Variants in ACOXL observed in about 807,000 individuals in gnomAD.
ACOXL encodes the protein acyl-coenzyme A oxidase-like protein.
A neutral mutation model predicts 71.9 loss-of-function variants in ACOXL; 70 were observed. That is an observed-to-expected ratio of 0.97 (90% CI 0.80 to 1.19). The LOEUF (loss-of-function observed/expected upper bound fraction) is 1.19. ACOXL is among the 50% of genes most tolerant of loss of function. The pLI, the probability that ACOXL is intolerant of heterozygous loss-of-function variation, is 0.00. For missense variants in ACOXL, 703 were observed against 736.3 expected, an observed-to-expected ratio of 0.95 and a Z score of 0.52; for synonymous variants, 253 against 281.6, an observed-to-expected ratio of 0.90 and a Z score of 1.02.
At chr2:110,928,173 A>C (rs993361985) in intron 11 of ACOXL, among the ~76,000 whole-genome samples, 2 of 152,236 alleles carry the variant, frequency 1.3e-5, no homozygotes, top group Non-Finnish European at 2.9e-5. Context: ...CCATTTACCC[A>C]ATACCTGTAA....
chr2:110,979,626 G>T (rs1056119099), intron 12 of ACOXL, among the ~76,000 whole-genome samples: 8 of 152,188 alleles, frequency 5.3e-5, no homozygotes, highest in Non-Finnish European at 1.0e-4. Context: ...GAAGAGCACA[G>T]GGGGTGCGGG....
intron 11 of ACOXL, among the ~76,000 whole-genome samples, chr2:110,930,282 T>A (rs1482543624): frequency 6.6e-6 from 1 of 152,250 alleles, no homozygotes; most frequent in Non-Finnish European, 1.5e-5. Flanking sequence ...CTTTCAGATT[T>A]GACCACCCCA....
chr2:110,871,807 C>T (rs977654088), intron 10 of ACOXL, among the ~76,000 whole-genome samples: 2 of 152,186 alleles, frequency 1.3e-5, no homozygotes, highest in African/African-American at 4.8e-5. Context: ...GACCAACACT[C>T]ATAGTGACCT....
In ACOXL at chr2:110,768,455, T is replaced by G. The variant is rs377589725; in HGVS notation, c.66T>G (p.Gly22=). The G allele has an allele frequency of 1.9e-6, 3 of 1,613,434 alleles. No individual in the cohort carries two copies. The highest frequency in any genetic ancestry group is 2.5e-6 in the Non-Finnish European group (3 of 1,179,944). The change falls in exon 2 of 18, where the codon GGT becomes GGG. Residue 22 remains glycine, a synonymous_variant. Transcript: ENST00000439055. The part of the protein sequence containing the change: ...AMDLPLLKRA[G]QDLAEKTKNF... ...ACCTGCCTCTGTTAAAACGTGCAGG[T>G]CAGGATCTGGTAAGTGTCATTATTA... is the stretch of plus-strand genomic sequence containing the variant.
At chr2:110,790,685 C>T (rs532810100) in intron 3 of ACOXL, among the ~76,000 whole-genome samples, 119 of 152,304 alleles carry the variant, frequency 7.8e-4, no homozygotes, top group Admixed American at 2.4e-3. Context: ...AGGGGCAGGA[C>T]GCTGGGTAGT....
At chr2:110,822,265 C>T (rs1248050194) in intron 9 of ACOXL, among the ~76,000 whole-genome samples, 1 of 152,086 alleles carries the variant, frequency 6.6e-6, no homozygotes, top group Non-Finnish European at 1.5e-5. Flanking sequence ...CTATGTTAAG[C>T]TAAACATGAG....
intron 14 of ACOXL, among the ~76,000 whole-genome samples, chr2:111,027,358 G>C (rs1574526219): frequency 6.7e-6 from 1 of 148,516 alleles, no homozygotes; most frequent in African/African-American, 2.5e-5. Flanking sequence ...GTTTCACTCT[G>C]TCACCCAGGC....
At chr2:110,889,807 G>A (rs1414437048) in intron 10 of ACOXL, among the ~76,000 whole-genome samples, 1 of 152,148 alleles carries the variant, frequency 6.6e-6, no homozygotes, top group East Asian at 1.9e-4. Context: ...CAACAGTCAT[G>A]CATGTTTTTA....
intron 17 of ACOXL, among the ~76,000 whole-genome samples, chr2:111,109,444 AT>A (rs5833388): frequency 0.39 from 58,668 of 150,592 alleles, 11,607 homozygotes; most frequent in Non-Finnish European, 0.42. Context: ...TGGCCTGTTC[AT>A]TTTTTTTTCT....
chr2:110,796,576 C>G (rs1318126351), intron 5 of ACOXL, among the ~76,000 whole-genome samples: 1 of 152,216 alleles, frequency 6.6e-6, no homozygotes, highest in African/African-American at 2.4e-5. Context: ...CCCACCCCAC[C>G]AGATCGTTTC....
At chr2:110,867,527 A>G (rs1694756121) in intron 10 of ACOXL, among the ~76,000 whole-genome samples, 1 of 152,152 alleles carries the variant, frequency 6.6e-6, no homozygotes, top group Non-Finnish European at 1.5e-5. Context: ...GGTGTCTTGG[A>G]TAAAGTATGT....
chr2:110,829,719 GTGTA>G (rs1202610758), intron 9 of ACOXL, among the ~76,000 whole-genome samples: 1 of 152,186 alleles, frequency 6.6e-6, no homozygotes, highest in Non-Finnish European at 1.5e-5. Flanking sequence ...CTGAGTGTGT[GTGTA>G]TGTATCTGTT....
intron 10 of ACOXL, among the ~76,000 whole-genome samples, chr2:110,906,398 G>A (rs2059445534): frequency 6.6e-6 from 1 of 151,822 alleles, no homozygotes; most frequent in African/African-American, 2.4e-5. Context: ...AATTAGCTGG[G>A]TGTGGTGGTG....
At chr2:110,777,993 C>T (rs1337760712) in intron 2 of ACOXL, among the ~76,000 whole-genome samples, 3 of 152,190 alleles carry the variant, frequency 2.0e-5, no homozygotes, top group Non-Finnish European at 4.4e-5. Context: ...ATTGGAAGCT[C>T]GCATTGGGAC....
chr2:111,092,827 C>A, intron 16 of ACOXL, 38 bp from the exon 17 acceptor site: 2 of 1,381,558 alleles, frequency 1.4e-6, no homozygotes, highest in Non-Finnish European at 2.1e-6. Flanking sequence ...TAATATATTG[C>A]TATTTGTCCA....
chr2:110,799,551 A>G (rs1485987722), intron 7 of ACOXL, among the ~76,000 whole-genome samples: 2 of 152,176 alleles, frequency 1.3e-5, no homozygotes, highest in East Asian at 3.8e-4. Context: ...GGCTTAAACA[A>G]CAGAAGTGTA....
chr2:111,080,923 CAT>C (rs2067879154), intron 16 of ACOXL, among the ~76,000 whole-genome samples: 1 of 152,192 alleles, frequency 6.6e-6, no homozygotes, highest in African/African-American at 2.4e-5. Flanking sequence ...ACAAAAACCA[CAT>C]GATTATCTCA....
chr2:110,871,387 A>G (rs964260544), intron 10 of ACOXL, among the ~76,000 whole-genome samples: 2 of 152,108 alleles, frequency 1.3e-5, no homozygotes, highest in Admixed American at 1.3e-4. Flanking sequence ...AGTAGGAAAT[A>G]ATATGGAAGC....
chr2:110,790,183 G>A (rs1411698576), intron 3 of ACOXL, among the ~76,000 whole-genome samples: 2 of 152,244 alleles, frequency 1.3e-5, no homozygotes, highest in African/African-American at 4.8e-5. Context: ...GTAACCTCCT[G>A]GGACGTGGCT....
Sources: allele counts gnomAD v4.1 joint callset (sites outside exome capture counted in the v4.1 genomes callset), GRCh38; gene constraint gnomAD v4.1.1; transcripts MANE v1.5; gene names NCBI Gene and HGNC (gene_info 2026-07-23, HGNC 2026-07-21).